Variants in RSBN1L observed in about 807,000 individuals in gnomAD.
RSBN1L encodes the protein lysine-specific demethylase RSBN1L.
RSBN1L carries 30 observed loss-of-function variants against 67.7 expected under a neutral mutation model. That is an observed-to-expected ratio of 0.44 (90% CI 0.33 to 0.60). The LOEUF (loss-of-function observed/expected upper bound fraction) is 0.60. Among genes scored for constraint, RSBN1L ranks in the 20% least tolerant of loss-of-function variants. The probability of loss-of-function intolerance (pLI) is 0.02; values close to 1 mark genes in which losing one functional copy is unlikely to be tolerated. For synonymous variants in RSBN1L, 433 were observed against 387.0 expected, an observed-to-expected ratio of 1.12 and a Z score of -1.39; for missense variants, 992 against 1,031.7, an observed-to-expected ratio of 0.96 and a Z score of 0.53.
intron 4 of RSBN1L, among the ~76,000 whole-genome samples, chr7:77,767,091 T>C (rs1339894039): frequency 8.2e-6 from 1 of 121,946 alleles, no homozygotes; most frequent in African/African-American, 3.2e-5. Flanking sequence ...TCCCCTTCCC[T>C]TTCCCTTTCC....
At chr7:77,755,267 A>G (rs1419874463) in intron 3 of RSBN1L, among the ~76,000 whole-genome samples, 1 of 152,256 alleles carries the variant, frequency 6.6e-6, no homozygotes, top group Admixed American at 6.5e-5. Context: ...TGATTTGGTC[A>G]TGATGATTCC....
Position 77,736,440 on chromosome 7 carries a change from A to G in RSBN1L, c.617A>G (p.Asp206Gly). Residue 206 changes from aspartate to glycine, a missense_variant, in exon 2 of 8, where the codon GAC becomes GGC. By Grantham distance (94) the Asp-to-Gly change is moderately conservative (BLOSUM62 -1). Transcript: ENST00000334955. ...DKIKDKIKER[D>G]KEKEREKKKH... ...ATCAAAGACAAAATTAAAGAGAGAG[A>G]CAAAGAAAAAGAAAGAGAAAAAAAG... The G allele has an allele frequency of 8.9e-7, 1 of 1,117,952 alleles. No homozygotes were observed. Among genetic ancestry groups the G allele is most frequent in the Non-Finnish European group, 1.3e-6 (1 of 795,356 alleles). The allele number at this position is 1,117,952 out of a possible 1,614,324, so 69.3% of individuals were successfully genotyped here. A position where few individuals can be genotyped will look rare whatever the true frequency, so the allele number is the denominator to read the frequency against.
chr7:77,763,617 T>C (rs1484007353), intron 3 of RSBN1L, among the ~76,000 whole-genome samples: 1 of 152,160 alleles, frequency 6.6e-6, no homozygotes, highest in African/African-American at 2.4e-5. Context: ...ATATTGGAGA[T>C]GATAGGAATT....
chr7:77,765,724 C>T (rs1791757770), intron 4 of RSBN1L, 92 bp downstream of exon 4: 1 of 925,514 alleles, frequency 1.1e-6, no homozygotes, highest in Admixed American at 2.6e-5. Context: ...TTGTTTCTTT[C>T]ATGCTACATG....
At chr7:77,726,976 T>G (rs1791212102) in intron 1 of RSBN1L, among the ~76,000 whole-genome samples, 1 of 151,702 alleles carries the variant, frequency 6.6e-6, no homozygotes, top group Non-Finnish European at 1.5e-5. Context: ...AGGGATGGGG[T>G]TTCACCATGT....
At chr7:77,753,762 A>G (rs1195811548) in intron 3 of RSBN1L, among the ~76,000 whole-genome samples, 1 of 152,236 alleles carries the variant, frequency 6.6e-6, no homozygotes, top group South Asian at 2.1e-4. Flanking sequence ...TTAAATCTAT[A>G]GTTAATAAAA....
Position 77,696,712 on chromosome 7 carries a change from C to T in RSBN1L, c.243C>T (p.Gly81=). 3 of 1,613,340 alleles carry T rather than the reference C, an allele frequency of 1.9e-6. No homozygotes were observed. The highest frequency in any genetic ancestry group is 2.5e-6 in the Non-Finnish European group (3 of 1,179,744). Residue 81 remains glycine, a synonymous_variant, in exon 1 of 8, where the codon GGC becomes GGT. Transcript: ENST00000334955. The stretch of plus-strand genomic sequence containing the variant: ...CAGCACCTTCGCCTCAGAGCTATGG[C>T]AGCCCCGCGTCTTGGAGCTTTGCCC... ...PPAAPSPQSY[G]SPASWSFAPL...
intron 1 of RSBN1L, among the ~76,000 whole-genome samples, chr7:77,698,228 T>TAGCC (rs1790767404): frequency 6.6e-6 from 1 of 152,276 alleles, no homozygotes; most frequent in Non-Finnish European, 1.5e-5. Context: ...CATCTAAGCA[T>TAGCC]AGCCATCAGG....
intron 1 of RSBN1L, among the ~76,000 whole-genome samples, chr7:77,719,266 CTT>C (rs1258898781): frequency 3.9e-5 from 6 of 152,122 alleles, no homozygotes; most frequent in Non-Finnish European, 8.8e-5. Context: ...AAATATACAA[CTT>C]TTAAAAAATG....
chr7:77,778,392 C>T lies in RSBN1L; in HGVS notation c.1848C>T (p.Phe616=). 18 of 1,613,414 alleles carry T rather than the reference C, an allele frequency of 1.1e-5. No homozygotes were observed. Among genetic ancestry groups the T allele is most frequent in the Non-Finnish European group, 1.5e-5 (18 of 1,179,668 alleles). The part of the protein sequence containing the change: ...KDVICFHAED[F]LEVVQRMQLD... ...TAATTTGTTTTCATGCTGAAGATTT[C>T]TTAGAAGTAGTTCAACGAATGCAGT... Residue 616 remains phenylalanine (F), a synonymous_variant, in exon 7 of 8, where the codon TTC becomes TTT. Coordinates refer to ENST00000334955, the MANE Select transcript of RSBN1L (RefSeq NM_198467.3).
At chr7:77,717,447 T>C (rs1200061558) in intron 1 of RSBN1L, among the ~76,000 whole-genome samples, 2 of 152,230 alleles carry the variant, frequency 1.3e-5, no homozygotes, top group African/African-American at 2.4e-5. Flanking sequence ...TGAGAAGCTA[T>C]ACAATTGTAA....
intron 1 of RSBN1L, among the ~76,000 whole-genome samples, chr7:77,719,815 A>G (rs565554851): frequency 6.6e-6 from 1 of 152,308 alleles, no homozygotes; most frequent in South Asian, 2.1e-4. Context: ...CTCAGGTTGG[A>G]GTGCAGTGGT....
intron 1 of RSBN1L, among the ~76,000 whole-genome samples, chr7:77,704,959 A>G (rs1790867591): frequency 6.6e-6 from 1 of 150,558 alleles, no homozygotes; most frequent in Non-Finnish European, 1.5e-5. Flanking sequence ...GCGACAGGCA[A>G]CAAGAGTGAA....
At position 77,696,910 on chromosome 7, in the gene RSBN1L, C is replaced by T. The variant is rs760622458; in HGVS notation, c.441C>T (p.Ala147=). Residue 147 remains alanine, a synonymous_variant, in exon 1 of 8, where the codon GCC becomes GCT. Transcript: ENST00000334955. ...AQPHHLLLPA[A]AAAASANAKS... is the part of the protein sequence containing the mutation. The stretch of plus-strand genomic sequence containing the variant: ...CTCACCATCTCCTCCTGCCCGCCGC[C>T]GCCGCCGCTGCCTCGGCTAACGCCA... 2 of 1,604,134 alleles carry T rather than the reference C, an allele frequency of 1.2e-6. No individual in the cohort carries two copies. Among genetic ancestry groups the T allele is most frequent in the African/African-American group, 1.3e-5 (1 of 75,048 alleles).
chr7:77,760,095 A>G (rs1300519732), intron 3 of RSBN1L, among the ~76,000 whole-genome samples: 1 of 152,256 alleles, frequency 6.6e-6, no homozygotes, highest in Admixed American at 6.5e-5. Flanking sequence ...AGAAAACAGC[A>G]ATAAGTAAAA....
intron 5 of RSBN1L, among the ~76,000 whole-genome samples, chr7:77,771,922 T>C (rs1222024558): frequency 1.3e-5 from 2 of 152,118 alleles, no homozygotes; most frequent in African/African-American, 4.8e-5. Context: ...TTAGATGTAC[T>C]TTAAGGGGGT....
chr7:77,721,364 A>T (rs1432416225), intron 1 of RSBN1L, among the ~76,000 whole-genome samples: 1 of 152,122 alleles, frequency 6.6e-6, no homozygotes, highest in East Asian at 1.9e-4. Context: ...TTATATGCAA[A>T]GCACCATTCT....
At chr7:77,768,146 C>T (rs1193237029) in intron 4 of RSBN1L, among the ~76,000 whole-genome samples, 1 of 151,944 alleles carries the variant, frequency 6.6e-6, no homozygotes, top group Admixed American at 6.6e-5. Context: ...TGAGCCACTG[C>T]GCGCCCAGCC....
At chr7:77,763,149 CTTTTTTTTTTT>C (rs11440608) in intron 3 of RSBN1L, among the ~76,000 whole-genome samples, 1 of 126,942 alleles carries the variant, frequency 7.9e-6, no homozygotes, top group African/African-American at 3.0e-5. Flanking sequence ...TATAATTTGA[CTTTTTTTTTTT>C]TTTTTTTTTG....
Sources: allele counts gnomAD v4.1 joint callset (sites outside exome capture counted in the v4.1 genomes callset), GRCh38; gene constraint gnomAD v4.1.1; transcripts MANE v1.5; gene names NCBI Gene and HGNC (gene_info 2026-07-23, HGNC 2026-07-21).